PABPC4L: variants seen among roughly 807,000 people sequenced by gnomAD.
PABPC4L encodes the protein polyadenylate-binding protein 4-like.
For missense variants in PABPC4L, 452 were observed against 451.4 expected (o/e 1.00, Z -0.01); for synonymous variants, 169 against 164.1 (o/e 1.03, Z -0.23).
the PABPC4L span, among the ~76,000 whole-genome samples, chr4:133,993,991 G>A: frequency 0.28 from 42,464 of 151,886 alleles, 8,672 homozygotes; most frequent in African/African-American, 0.54. Context: ...AGGCTGAGTG[G>A]AAAAGGTCTC....
the PABPC4L span, among the ~76,000 whole-genome samples, chr4:134,099,293 A>C: frequency 6.6e-6 from 1 of 151,638 alleles, no homozygotes; most frequent in Non-Finnish European, 1.5e-5. Context: ...TATAAGTTTT[A>C]TGTTAAGTGC....
the PABPC4L span, among the ~76,000 whole-genome samples, chr4:134,133,009 T>C: frequency 4.4e-5 from 5 of 113,384 alleles, no homozygotes; most frequent in South Asian, 2.9e-4. Context: ...ATATACTATA[T>C]GATAGTATAT....
chr4:133,976,187 A>G, the PABPC4L span, among the ~76,000 whole-genome samples: 6 of 152,210 alleles, frequency 3.9e-5, no homozygotes, highest in East Asian at 5.8e-4. Context: ...GGTTCTACTT[A>G]TAAGTGAGAA....
chr4:134,162,075 C>G, the PABPC4L span, among the ~76,000 whole-genome samples: 22 of 151,204 alleles, frequency 1.5e-4, no homozygotes, highest in African/African-American at 5.4e-4. Context: ...AACCTTGTAA[C>G]AAAGACACAA....
At chr4:134,024,776 C>T in the PABPC4L span, among the ~76,000 whole-genome samples, 5 of 145,452 alleles carry the variant, frequency 3.4e-5, no homozygotes, top group African/African-American at 1.3e-4. Context: ...TGAACATGAA[C>T]TTTTTAAACA....
the PABPC4L span, among the ~76,000 whole-genome samples, chr4:133,976,065 T>G: frequency 6.6e-6 from 1 of 152,138 alleles, no homozygotes; most frequent in African/African-American, 2.4e-5. Flanking sequence ...ACCTAGGTAT[T>G]AAGCCCAGCA....
chr4:134,154,752 G>A, the PABPC4L span, among the ~76,000 whole-genome samples: 1 of 151,824 alleles, frequency 6.6e-6, no homozygotes, highest in Admixed American at 6.6e-5. Context: ...TCTAATGACA[G>A]TAGAATTTTT....
At chr4:134,122,677 G>A in the PABPC4L span, among the ~76,000 whole-genome samples, 1 of 151,544 alleles carries the variant, frequency 6.6e-6, no homozygotes, top group Non-Finnish European at 1.5e-5. Context: ...TCATTAAAAG[G>A]GAACTCAATT....
At chr4:134,172,453 G>C in the PABPC4L span, among the ~76,000 whole-genome samples, 92 of 152,268 alleles carry the variant, frequency 6.0e-4, no homozygotes, top group Non-Finnish European at 1.0e-3. Flanking sequence ...TAACTGCCTA[G>C]CCATATGCAG....
chr4:134,080,898 A>G, the PABPC4L span, among the ~76,000 whole-genome samples: 1 of 152,180 alleles, frequency 6.6e-6, no homozygotes, highest in Non-Finnish European at 1.5e-5. Flanking sequence ...CACACAGTGT[A>G]TCATATTGAC....
Position 134,200,538 on chromosome 4 carries a change from A to T in PABPC4L, c.482T>A (p.Leu161Gln). The change falls in exon 2 of 2, where the codon CTA (leucine) becomes CAA (glutamine). Residue 161 changes from leucine (L) to glutamine (Q), a missense_variant. Leu to Gln is a moderately radical substitution (Grantham distance 113, BLOSUM62 -2). Coordinates refer to ENST00000421491, the MANE Select transcript of PABPC4L (RefSeq NM_001114734.2). ...DRAIEEMNGK[L>Q]LKGCKVFVGR... ...AACAAACACCTTGCAGCCCTTGAGT[A>T]GTTTTCCATTCATCTCCTCAATGGC... 1 of 1,551,608 alleles carries T rather than the reference A, an allele frequency of 6.4e-7. No homozygotes were observed. The highest frequency in any genetic ancestry group is 8.7e-7 in the Non-Finnish European group (1 of 1,146,978).
chr4:134,098,412 T>TG, the PABPC4L span, among the ~76,000 whole-genome samples: 2 of 151,786 alleles, frequency 1.3e-5, no homozygotes, highest in East Asian at 3.9e-4. Flanking sequence ...TTTGTTTGTT[T>TG]GTTTTTTTAT....
chr4:134,122,273 T>A, the PABPC4L span, among the ~76,000 whole-genome samples: 1 of 152,010 alleles, frequency 6.6e-6, no homozygotes, highest in African/African-American at 2.4e-5. Flanking sequence ...TTTGCACATA[T>A]GACTGTATTG....
the PABPC4L span, among the ~76,000 whole-genome samples, chr4:134,164,079 T>C: frequency 7.3e-5 from 11 of 150,818 alleles, no homozygotes; most frequent in East Asian, 1.8e-3. Context: ...CCGGCTAAAA[T>C]GGTGAAACCC....
At chr4:134,013,157 G>C in the PABPC4L span, among the ~76,000 whole-genome samples, 9 of 151,784 alleles carry the variant, frequency 5.9e-5, no homozygotes, top group Admixed American at 2.0e-4. Flanking sequence ...TTTTCTAGGG[G>C]AGGGGCAAGA....
At chr4:134,160,525 A>T in the PABPC4L span, among the ~76,000 whole-genome samples, 29 of 152,328 alleles carry the variant, frequency 1.9e-4, no homozygotes, top group Admixed American at 4.6e-4. Flanking sequence ...GACTGTGAAT[A>T]TTGTAATAAA....
the PABPC4L span, among the ~76,000 whole-genome samples, chr4:134,038,900 T>C: frequency 6.6e-6 from 1 of 152,116 alleles, no homozygotes; most frequent in Non-Finnish European, 1.5e-5. Flanking sequence ...CTCTAGTTGT[T>C]TTAATTGTGA....
At chr4:134,174,903 G>A in the PABPC4L span, among the ~76,000 whole-genome samples, 111 of 152,064 alleles carry the variant, frequency 7.3e-4, 1 homozygote, top group Non-Finnish European at 1.4e-3. Context: ...AATCTTTAGC[G>A]GGTTTTGAAA....
At chr4:134,038,145 A>G in the PABPC4L span, among the ~76,000 whole-genome samples, 1 of 152,088 alleles carries the variant, frequency 6.6e-6, no homozygotes, top group African/African-American at 2.4e-5. Context: ...AGTATGTTGA[A>G]CCAGCCTTGC....
Sources: gnomAD v4.1 joint callset for allele counts (sites outside exome capture counted in the v4.1 genomes callset) on GRCh38, gnomAD v4.1.1 for gene constraint, MANE v1.5 for transcripts, NCBI Gene and HGNC (gene_info 2026-07-23, HGNC 2026-07-21) for gene names.